The following GPR157 variants were observed in gnomAD, a reference collection of about 807,000 sequenced individuals.
GPR157 encodes G protein-coupled receptor 157.
GPR157 carries 16 observed loss-of-function variants against 23.5 expected under a neutral mutation model. The observed-to-expected ratio is 0.68, with a 90% confidence interval of 0.46 to 1.04. GPR157 has a LOEUF of 1.04. Ranked by LOEUF, GPR157 falls within the 50% of genes least tolerant of loss-of-function variation. GPR157 has a pLI of 0.00. For missense variants in GPR157, 440 were observed against 460.7 expected (o/e 0.96, Z 0.41); for synonymous variants, 200 against 221.5 (o/e 0.90, Z 0.86).
At chr1:9,124,929 C>T (rs549932289) in intron 1 of GPR157, among the ~76,000 whole-genome samples, 36 of 152,236 alleles carry the variant, frequency 2.4e-4, no homozygotes, top group African/African-American at 7.5e-4. Context: ...ACCCTAAATC[C>T]CTCACTAACC....
At chr1:9,117,689 G>T (rs948783695) in intron 1 of GPR157, among the ~76,000 whole-genome samples, 19 of 152,158 alleles carry the variant, frequency 1.2e-4, no homozygotes, top group African/African-American at 4.3e-4. Flanking sequence ...TTGAACCCGG[G>T]AGGTGGAGGT....
chr1:9,105,593 G>A lies in GPR157; in HGVS notation c.685C>T (p.Leu229Phe), dbSNP rs1314682726. ...AGGCCGATGAAGATGAGCGGGATGA[G>A]CACCAGCTTCTTGTCCGCCATGGAG... ...HSSMADKKLV[L>F]IPLIFIGLRV... is the part of the protein sequence containing the mutation. The change falls in exon 3 of 4, where the codon CTC becomes TTC. Residue 229 changes from leucine to phenylalanine, a missense_variant. Transcript: ENST00000377411. This position sits in a 1 kb window ranked among gnomAD's most constrained non-coding sequence, Gnocchi z 4.8. The A allele has an allele frequency of 1.9e-6, 3 of 1,611,624 alleles. No homozygotes were observed. Among genetic ancestry groups the A allele is most frequent in the Non-Finnish European group, 2.5e-6 (3 of 1,179,244 alleles).
intron 1 of GPR157, among the ~76,000 whole-genome samples, chr1:9,122,585 C>G (rs1638823122): frequency 6.6e-6 from 1 of 152,092 alleles, no homozygotes; most frequent in Admixed American, 6.6e-5. Flanking sequence ...TTGCTGGCCA[C>G]CAGGTAGAAA....
At chr1:9,114,427 C>T (rs1160138159) in intron 1 of GPR157, among the ~76,000 whole-genome samples, 1 of 151,794 alleles carries the variant, frequency 6.6e-6, no homozygotes, top group African/African-American at 2.4e-5. Flanking sequence ...TGCAGGATTC[C>T]GCTAAGGAAT....
At chr1:9,116,746 G>A (rs1401619763) in intron 1 of GPR157, among the ~76,000 whole-genome samples, 4 of 147,156 alleles carry the variant, frequency 2.7e-5, no homozygotes, top group African/African-American at 5.0e-5. Context: ...AAAAAAAAAA[G>A]CATTATTATT....
In GPR157 at chr1:9,101,214, T is replaced by G. The variant is rs1365948243; in HGVS notation, c.*3205A>C. 1 of 47,982 alleles carries G rather than the reference T, an allele frequency of 2.1e-5. No individual in the cohort carries two copies. The highest frequency in any genetic ancestry group is 3.5e-5 in the Non-Finnish European group (1 of 28,190). The allele number at this position is 47,982 out of a possible 1,614,324, so 3.0% of individuals were successfully genotyped here. ...AGGCACACGAAACCACATCCAACTATTTTTTTTTTTTTTGTATATTTAGTA... is the reference window on the plus strand; with the variant it reads ...AGGCACACGAAACCACATCCAACTAGTTTTTTTTTTTTTGTATATTTAGTA... On this transcript the variant is annotated 3_prime_UTR_variant, in exon 4 of 4. Coordinates refer to ENST00000377411, the MANE Select transcript of GPR157 (RefSeq NM_024980.5).
intron 2 of GPR157, among the ~76,000 whole-genome samples, chr1:9,107,643 G>C (rs1638373197): frequency 6.6e-6 from 1 of 151,746 alleles, no homozygotes. Flanking sequence ...AATTAGGCTA[G>C]GCGCGGGCAC....
chr1:9,110,522 C>G (rs1174290510), intron 2 of GPR157, among the ~76,000 whole-genome samples: 1 of 152,158 alleles, frequency 6.6e-6, no homozygotes, highest in Non-Finnish European at 1.5e-5. Flanking sequence ...GACCCTGTCT[C>G]AAAAATAAAT....
chr1:9,101,213 AT>A lies in GPR157; in HGVS notation c.*3205del, dbSNP rs34535590. On this transcript the variant is annotated 3_prime_UTR_variant, in exon 4 of 4. Transcript: ENST00000377411. The stretch of plus-strand genomic sequence containing the variant: ...CAGGCACACGAAACCACATCCAACT[AT>A]TTTTTTTTTTTTTGTATATTTAGTA... 0.35 allele frequency: 50,619 copies of A among 143,360 alleles called. 8,653 individuals are homozygous for A. Among genetic ancestry groups the A allele is most frequent in the African/African-American group, 0.4 (15,711 of 39,306 alleles). The allele number at this position is 143,360 out of a possible 1,614,324, so 8.9% of individuals were successfully genotyped here.
At position 9,104,599 on chromosome 1, in the gene GPR157, G is replaced by T. The variant is rs775452301; in HGVS notation, c.828C>A (p.Cys276Ter). The change falls in exon 4 of 4, where the codon TGC (cysteine) becomes TGA (stop). Residue 276 changes from cysteine to a stop codon, truncating the protein, a stop_gained. Transcript: ENST00000377411. LOFTEE classifies it low-confidence loss of function (END_TRUNC). Reference protein sequence around the residue: ...IGNTFQGGANCIMFVLCTRAV... With the variant: ...IGNTFQGGAN The stretch of plus-strand genomic sequence containing the variant: ...CGCGGGTGCAGAGGACGAACATGAT[G>T]CAGTTGGCACCTCCCTGAAACGTGT... The T allele has an allele frequency of 1.2e-6, 2 of 1,612,274 alleles. No homozygotes were observed. Among genetic ancestry groups the T allele is most frequent in the African/African-American group, 2.7e-5 (2 of 74,864 alleles).
intron 2 of GPR157, among the ~76,000 whole-genome samples, chr1:9,107,555 C>T (rs1638370171): frequency 4.0e-5 from 6 of 151,892 alleles, no homozygotes; most frequent in Non-Finnish European, 7.4e-5. Context: ...GAGGCTGAGG[C>T]GGGCAGATTA....
At chr1:9,123,321 AT>A (rs1181348274) in intron 1 of GPR157, among the ~76,000 whole-genome samples, 1,035 of 24,726 alleles carry the variant, frequency 0.042, 85 homozygotes, top group African/African-American at 0.14. Context: ...ATATATTAAA[AT>A]ATATATATTT....
At chr1:9,111,956 T>C (rs1361004533) in intron 1 of GPR157, among the ~76,000 whole-genome samples, 1 of 151,876 alleles carries the variant, frequency 6.6e-6, no homozygotes, top group Non-Finnish European at 1.5e-5. Flanking sequence ...GGTGACAGAG[T>C]GAGACTCCAT....
chr1:9,108,074 G>C (rs568307016), intron 2 of GPR157, among the ~76,000 whole-genome samples: 36 of 152,298 alleles, frequency 2.4e-4, no homozygotes, highest in African/African-American at 7.9e-4. Flanking sequence ...GGGCAACACA[G>C]TGAGACGCTG....
At chr1:9,123,320 A>AAT (rs574810008) in intron 1 of GPR157, among the ~76,000 whole-genome samples, 4 of 24,582 alleles carry the variant, frequency 1.6e-4, no homozygotes, top group African/African-American at 6.1e-4. Context: ...TATATATTAA[A>AAT]ATATATATAT....
At chr1:9,126,349 C>A (rs1638962940) in intron 1 of GPR157, among the ~76,000 whole-genome samples, 1 of 152,128 alleles carries the variant, frequency 6.6e-6, no homozygotes, top group African/African-American at 2.4e-5. Context: ...TGGTATATGA[C>A]ATATTTTTTC....
chr1:9,107,197 A>G (rs534587620), intron 2 of GPR157, among the ~76,000 whole-genome samples: 3 of 151,582 alleles, frequency 2.0e-5, no homozygotes, highest in African/African-American at 7.3e-5. Flanking sequence ...CAGCCCACCC[A>G]CCTCCTCTCC....
Position 9,104,525 on chromosome 1 carries a change from TGAG to T in GPR157, c.899_901del (p.Ser300_Gln301delinsTer). On this transcript the variant is annotated stop_gained and inframe_deletion, in exon 4 of 4. Transcript: ENST00000377411. LOFTEE classifies it low-confidence loss of function (END_TRUNC). ...GCCAGCCGGGCTCTTGGTGGGAGGC[TGAG>T]AAGAGCAGCAGCAGCAACAGAGAGA... The T allele has an allele frequency of 6.2e-7, 1 of 1,613,142 alleles. No individual in the cohort carries two copies. The highest frequency in any genetic ancestry group is 1.1e-5 in the South Asian group (1 of 91,028).
chr1:9,109,011 C>T (rs989697483), intron 2 of GPR157, among the ~76,000 whole-genome samples: 1 of 151,876 alleles, frequency 6.6e-6, no homozygotes, highest in Non-Finnish European at 1.5e-5. Flanking sequence ...CTCCCGACCT[C>T]GTGATCTGCA....
Sources: gnomAD v4.1 joint callset for allele counts (sites outside exome capture counted in the v4.1 genomes callset) on GRCh38, gnomAD v4.1.1 for gene constraint, Gnocchi (gnomAD v3.1) non-coding constraint, MANE v1.5 for transcripts, NCBI Gene and HGNC (gene_info 2026-07-23, HGNC 2026-07-21) for gene names.